Variants in UBA6 observed in about 807,000 individuals in gnomAD.
UBA6 encodes ubiquitin like modifier activating enzyme 6, also known as ubiquitin-like modifier-activating enzyme 6.
Under a neutral mutation model 148.3 loss-of-function variants are expected in UBA6, and 87 were observed. That is an observed-to-expected ratio of 0.59 (90% CI 0.49 to 0.70). UBA6 has a LOEUF of 0.70. UBA6 is among the 30% of genes least tolerant of loss of function. The pLI is 0.00. For missense variants in UBA6, 1,186 were observed against 1,241.2 expected (o/e 0.96, Z 0.67); for synonymous variants, 376 against 401.0 (o/e 0.94, Z 0.75).
rs1282390839 is a variant in UBA6, at chr4:67,623,347, G to T, written c.2841-125C>A. ...GTGATCAGGCTAGAAATTAATGTGG[G>T]GAAATAAAGGATAATATATCTTCTA... On this transcript the variant is annotated intron_variant, in intron 30 of 32. Transcript: ENST00000322244. The T allele has an allele frequency of 4.8e-6, 3 of 629,702 alleles. No individual in the cohort carries two copies. The African/African-American group carries it at 5.6e-5, about 12-fold the overall frequency. The allele number at this position is 629,702 out of a possible 1,614,324, so 39.0% of individuals were successfully genotyped here. A position where few individuals can be genotyped will look rare whatever the true frequency, so the allele number is the denominator to read the frequency against.
intron 4 of UBA6, among the ~76,000 whole-genome samples, chr4:67,680,998 G>A (rs184791427): frequency 1.3e-5 from 2 of 152,156 alleles, no homozygotes; most frequent in Admixed American, 6.5e-5. Flanking sequence ...CAAGATGACT[G>A]CAGGCCCTGC....
At chr4:67,678,282 TAAA>T (rs549986021) in intron 5 of UBA6, 154 bp downstream of exon 5, 2 of 383,132 alleles carry the variant, frequency 5.2e-6, no homozygotes, top group African/African-American at 4.2e-5. Context: ...GTAAATGAGT[TAAA>T]AAAAAACTCA....
intron 9 of UBA6, among the ~76,000 whole-genome samples, chr4:67,668,023 C>T (rs1213173146): frequency 6.6e-6 from 1 of 152,196 alleles, no homozygotes; most frequent in Non-Finnish European, 1.5e-5. Flanking sequence ...AAACTATACT[C>T]TTTATCTTAT....
chr4:67,641,663 TC>T (rs750393763), intron 17 of UBA6, among the ~76,000 whole-genome samples: 23,039 of 152,150 alleles, frequency 0.15, 1,816 homozygotes, highest in South Asian at 0.22. Context: ...CAAACTTTGG[TC>T]TTGAACTCCT....
intron 2 of UBA6, among the ~76,000 whole-genome samples, chr4:67,688,757 T>C (rs1386155009): frequency 1.3e-5 from 2 of 152,136 alleles, no homozygotes; most frequent in African/African-American, 4.8e-5. Flanking sequence ...GTACAAATAT[T>C]AAAAACATCT....
At position 67,638,998 on chromosome 4, in the gene UBA6, G is replaced by A; in HGVS notation, c.1681C>T (p.Gln561Ter). 6.2e-7 allele frequency: 1 copy of A among 1,612,238 alleles called. No individual in the cohort carries two copies. Among genetic ancestry groups the A allele is most frequent in the South Asian group, 1.1e-5 (1 of 90,940 alleles). Residue 561 changes from glutamine to a stop codon, truncating the protein, a stop_gained, in exon 19 of 33, where the codon CAA becomes TAA. Transcript: ENST00000322244. LOFTEE classifies it high-confidence loss of function. ...TCTAATGCTGTAATAATTACATCTTGTTTAGTATAGAACTCATCATTGTAA... is the reference window on the plus strand; with the variant it reads ...TCTAATGCTGTAATAATTACATCTTATTTAGTATAGAACTCATCATTGTAA... ...TIYNDEFYTK[Q>*]DVIITALDNV...
intron 23 of UBA6, 23 bp from the exon 24 acceptor site, chr4:67,631,931 A>T: frequency 6.2e-7 from 1 of 1,603,380 alleles, no homozygotes; most frequent in Non-Finnish European, 8.5e-7. Context: ...AATGAATTAA[A>T]GACACCCACT....
In UBA6 at chr4:67,623,094, CATAAAGCTACTAATGAACTAAATGA is replaced by C; in HGVS notation, c.2928+16_2928+40del. 2.0e-6 allele frequency: 3 copies of C among 1,472,468 alleles called. No homozygotes were observed. Among genetic ancestry groups the C allele is most frequent in the Non-Finnish European group, 2.8e-6 (3 of 1,066,794 alleles). The allele number at this position is 1,472,468 out of a possible 1,614,324, so 91.2% of individuals were successfully genotyped here. ...AAATAAAAACAAAACAGAAACCAGACATAAAGCTACTAATGAACTAAATGAACAAAAGTATCTCACTTTGACTGCA... is the reference window on the plus strand; with the variant it reads ...AAATAAAAACAAAACAGAAACCAGACACAAAAGTATCTCACTTTGACTGCA... On this transcript the variant is annotated intron_variant, in intron 31 of 32. Transcript: ENST00000322244.
intron 13 of UBA6, among the ~76,000 whole-genome samples, chr4:67,654,858 GA>G: frequency 1.6e-5 from 1 of 63,502 alleles, no homozygotes; most frequent in South Asian, 5.1e-4. Context: ...CAAGCAAATG[GA>G]AAGAAAAAAA....
rs575224558 is a variant in UBA6 at position 67,630,654 on chromosome 4, T to C, written c.2259-119A>G. 2.3e-5 allele frequency: 15 copies of C among 653,372 alleles called. No individual in the cohort carries two copies. In the South Asian group the frequency reaches 3.0e-4, roughly 13 times the overall value. The allele number at this position is 653,372 out of a possible 1,614,324, so 40.5% of individuals were successfully genotyped here. On this transcript the variant is annotated intron_variant, in intron 25 of 32. Coordinates refer to ENST00000322244, the MANE Select transcript of UBA6 (RefSeq NM_018227.6). Reference sequence around the variant, plus strand: ...AAGAAATATAACCACAGAATTATTATTTCAAGTTTTTTTTTTTAAGTTAGA... The same window carrying C: ...AAGAAATATAACCACAGAATTATTACTTCAAGTTTTTTTTTTTAAGTTAGA...
chr4:67,656,556 A>G (rs1729700454), intron 13 of UBA6, among the ~76,000 whole-genome samples: 1 of 152,218 alleles, frequency 6.6e-6, no homozygotes, highest in Admixed American at 6.5e-5. Context: ...TATTTATGAC[A>G]AACCCACAGC....
At chr4:67,651,615 T>C (rs920906017) in intron 13 of UBA6, among the ~76,000 whole-genome samples, 2 of 152,064 alleles carry the variant, frequency 1.3e-5, no homozygotes, top group Non-Finnish European at 2.9e-5. Context: ...AGAAAAAATA[T>C]GAAACATATA....
At position 67,635,562 on chromosome 4, in the gene UBA6, T is replaced by G; in HGVS notation, c.1737-4A>C. ...CCTTAGATTTGCTAAGCAACGACTA[T>G]TTGAAAAGACAGCAAGTAAAAAACA... is the stretch of plus-strand genomic sequence containing the variant. On this transcript the variant is annotated splice_region_variant and splice_polypyrimidine_tract_variant and intron_variant, in intron 19 of 32. Coordinates refer to ENST00000322244, the MANE Select transcript of UBA6 (RefSeq NM_018227.6). 6.3e-7 allele frequency: 1 copy of G among 1,597,118 alleles called. No homozygotes were observed. The highest frequency in any genetic ancestry group is 8.6e-7 in the Non-Finnish European group (1 of 1,165,616).
intron 11 of UBA6, 169 bp downstream of exon 11, chr4:67,663,716 A>T (rs888044414): frequency 2.1e-6 from 1 of 485,184 alleles, no homozygotes; most frequent in African/African-American, 2.0e-5. Flanking sequence ...CACATTTTTA[A>T]TCCTCAGAAG....
In UBA6 at chr4:67,670,563, C is replaced by T; in HGVS notation, c.576G>A (p.Trp192Ter). The change falls in exon 8 of 33, where the codon TGG becomes TGA. Residue 192 changes from tryptophan to a stop codon, truncating the protein, a stop_gained. Coordinates refer to ENST00000322244, the MANE Select transcript of UBA6 (RefSeq NM_018227.6). LOFTEE classifies it high-confidence loss of function. ...KFISADVHGI[W>*]SRLFCDFGDE... Reference sequence around the variant, plus strand: ...CACCGAAATCACAAAATAACCTTGACCAAATTCCATGTACATCTGCACTGA... The same window carrying T: ...CACCGAAATCACAAAATAACCTTGATCAAATTCCATGTACATCTGCACTGA... 1 of 1,611,674 alleles carries T rather than the reference C, an allele frequency of 6.2e-7. No homozygotes were observed. The highest frequency in any genetic ancestry group is 8.5e-7 in the Non-Finnish European group (1 of 1,178,088).
rs570057036 is a variant in UBA6 at position 67,687,834 on chromosome 4, C to A, written c.135-5621G>T. On this transcript the variant is annotated intron_variant, in intron 2 of 32. Transcript: ENST00000322244. ...ATCTCATTCTTTTAAATAATCAGTA[C>A]CACAAACCCACATGACGCAAGTTTA... Among the ~76,000 whole-genome samples the A allele has an allele frequency of 2.0e-4, 31 of 152,230 alleles. 1 individual carries two copies. The South Asian group carries it at 6.0e-3, about 30-fold the overall frequency.
In UBA6 at chr4:67,613,309, G is replaced by A. The variant is rs370724883; in HGVS notation, c.*5688C>T. On this transcript the variant is annotated 3_prime_UTR_variant, in exon 33 of 33. Transcript: ENST00000322244. ...ATTGGTAAATAATTAAAGGTAACCA[G>A]GCACACAAGGAGACAAGACAGTAAG... 1 of 152,058 alleles carries A rather than the reference G, an allele frequency of 6.6e-6. No homozygotes were observed. The highest frequency in any genetic ancestry group is 2.1e-4 in the South Asian group (1 of 4,808). 9.4% of individuals were successfully genotyped at this position (152,058 alleles called of 1,614,324 possible).
At position 67,613,660 on chromosome 4, in the gene UBA6, G is replaced by A. The variant is rs1031766475; in HGVS notation, c.*5337C>T. 6.6e-6 allele frequency: 1 copy of A among 151,998 alleles called. No individual in the cohort carries two copies. Among genetic ancestry groups the A allele is most frequent in the African/African-American group, 2.4e-5 (1 of 41,380 alleles). 9.4% of individuals were successfully genotyped at this position (151,998 alleles called of 1,614,324 possible). On this transcript the variant is annotated 3_prime_UTR_variant, in exon 33 of 33. Coordinates refer to ENST00000322244, the MANE Select transcript of UBA6 (RefSeq NM_018227.6). ...TATACTAGCACAGGGATAGAAAAAA[G>A]GGAAAAAATGTTTAGAAAGAGATGT...
At chr4:67,633,209 T>A in intron 23 of UBA6, 136 bp downstream of exon 23, 1 of 684,166 alleles carries the variant, frequency 1.5e-6, no homozygotes. Context: ...GCATGTGTTC[T>A]CATTTAACTT....
Sources: gnomAD v4.1 joint callset for allele counts (sites outside exome capture counted in the v4.1 genomes callset) on GRCh38, gnomAD v4.1.1 for gene constraint, MANE v1.5 for transcripts, NCBI Gene and HGNC (gene_info 2026-07-23, HGNC 2026-07-21) for gene names.